Variants in ZNF41 observed in about 807,000 individuals in gnomAD.
The protein encoded by ZNF41 is zinc finger protein 41.
In ZNF41, 6 loss-of-function variants were observed where a neutral mutation model predicts 9.3. The observed-to-expected ratio is 0.65, with a 90% confidence interval of 0.35 to 1.28. ZNF41 has a LOEUF of 1.28. ZNF41 is among the 50% of genes most tolerant of loss of function. The probability of loss-of-function intolerance (pLI) is 0.03; values close to 1 mark genes in which losing one functional copy is unlikely to be tolerated. For missense variants in ZNF41, 523 were observed against 585.8 expected, an observed-to-expected ratio of 0.89 and a Z score of 1.11; for synonymous variants, 192 against 207.1, an observed-to-expected ratio of 0.93 and a Z score of 0.63.
At position 47,449,143 on chromosome X, in the gene ZNF41, A is replaced by G. The variant is rs147511357; in HGVS notation, c.627T>C (p.Ser209=). The change falls in exon 5 of 5, where the codon AGT becomes AGC. Residue 209 remains serine, a synonymous_variant. Transcript: ENST00000684689. ...AAATCTTGCCAAGGTTCTTTGTTGC[A>G]CTGTTTCTATTATGATTATGTGAGT... ...TLNSHNHNRN[S]ATKNLGKIFG... The G allele has an allele frequency of 2.1e-4, 252 of 1,209,676 alleles. No homozygotes were observed. Among genetic ancestry groups the G allele is most frequent in the Non-Finnish European group, 2.2e-4 (201 of 895,231 alleles).
chrX:47,447,363 G>A lies in ZNF41; in HGVS notation c.*67C>T, dbSNP rs2056148806. On this transcript the variant is annotated 3_prime_UTR_variant, in exon 5 of 5. Transcript: ENST00000684689. ...CCCTGTACAATGATTGCAGCAACAG[G>A]CCTTCCTCCTCCCTGCTATTAGATA... 2.5e-6 allele frequency: 3 copies of A among 1,180,081 alleles called. No homozygotes were observed. The East Asian group carries it at 8.9e-5, about 35-fold the overall frequency.
rs2057399270 is a variant in ZNF41, at chrX:47,478,676, T to C, written c.-280+4419A>G. Reference sequence around the variant, plus strand: ...AGAAAACAATCATGGCCGGACACAGTGGATCATGCCTGTAGTCCCAGTACT... The same window carrying C: ...AGAAAACAATCATGGCCGGACACAGCGGATCATGCCTGTAGTCCCAGTACT... On this transcript the variant is annotated intron_variant, in intron 1 of 4. Transcript: ENST00000684689. Among the ~76,000 whole-genome samples, 3 of 111,542 alleles carry C rather than the reference T, an allele frequency of 2.7e-5. No homozygotes were observed. In the South Asian group the frequency reaches 1.1e-3, roughly 41 times the overall value.
intron 1 of ZNF41, among the ~76,000 whole-genome samples, chrX:47,473,840 G>C (rs1407909815): frequency 4.5e-5 from 5 of 112,100 alleles, no homozygotes; most frequent in Middle Eastern, 9.3e-3. Context: ...AAGTGGTACA[G>C]CCACTCTGGA....
At chrX:47,459,712 C>A (rs2056706623) in intron 2 of ZNF41, among the ~76,000 whole-genome samples, 1 of 96,250 alleles carries the variant, frequency 1.0e-5, no homozygotes, top group Non-Finnish European at 2.0e-5. Context: ...CCACTGCACT[C>A]CAGCCTGGGT....
rs777307576 is a variant in ZNF41, at chrX:47,462,208, C to T, written c.72+5202G>A. Among the ~76,000 whole-genome samples the T allele has an allele frequency of 6.3e-5, 7 of 111,003 alleles. No individual in the cohort carries two copies. In the South Asian group the frequency reaches 2.8e-3, roughly 44 times the overall value. On this transcript the variant is annotated intron_variant, in intron 2 of 4. Transcript: ENST00000684689. ...AATTGTATTTTTACTTTTACTCCTC[C>T]CTGTCCATCTGAGTGTTTCCTGTTC... is the stretch of plus-strand genomic sequence containing the variant.
At chrX:47,452,162 A>T (rs2056393711) in intron 4 of ZNF41, among the ~76,000 whole-genome samples, 1 of 110,628 alleles carries the variant, frequency 9.0e-6, no homozygotes, top group South Asian at 3.9e-4. Flanking sequence ...CTTTGCCAAC[A>T]TCTGGCTCCT....
chrX:47,452,335 C>A (rs995716294), intron 4 of ZNF41, among the ~76,000 whole-genome samples: 26 of 109,463 alleles, frequency 2.4e-4, no homozygotes, highest in African/African-American at 8.6e-4. Flanking sequence ...TCAGCAGCAC[C>A]CAACACCCCC....
intron 2 of ZNF41, among the ~76,000 whole-genome samples, chrX:47,462,811 G>A (rs777298370): frequency 1.6e-4 from 17 of 108,946 alleles, no homozygotes; most frequent in African/African-American, 5.7e-4. Context: ...AGGCTGGAGT[G>A]CAGTGGCACA....
In ZNF41 at chrX:47,449,371, A is replaced by C. The variant is rs770145202; in HGVS notation, c.399T>G (p.Ile133Met). The C allele has an allele frequency of 8.3e-7, 1 of 1,211,590 alleles. No individual in the cohort carries two copies. Among genetic ancestry groups the C allele is most frequent in the Non-Finnish European group, 1.1e-6 (1 of 895,442 alleles). The change falls in exon 5 of 5, where the codon ATT (isoleucine) becomes ATG (methionine). Residue 133 changes from isoleucine to methionine, a missense_variant. By Grantham distance (10) the Ile-to-Met change is conservative (BLOSUM62 1). Coordinates refer to ENST00000684689, the MANE Select transcript of ZNF41 (RefSeq NM_001324144.2). ...QPIGEDSLCS[I>M]LEELWQDNDQ... The stretch of plus-strand genomic sequence containing the variant: ...CATTATCTTGCCACAGTTCTTCTAA[A>C]ATAGAACATAATGAATCTTCTCCTA...
At chrX:47,450,220 C>CT (rs1265551853) in intron 4 of ZNF41, among the ~76,000 whole-genome samples, 8 of 110,382 alleles carry the variant, frequency 7.2e-5, no homozygotes, top group East Asian at 2.8e-4. Flanking sequence ...TTCTTTCTTT[C>CT]TTTTTTTTGA....
At position 47,454,326 on chromosome X, in the gene ZNF41, C is replaced by G. The variant is rs1429751929; in HGVS notation, c.295+1595G>C. Among the ~76,000 whole-genome samples the G allele has an allele frequency of 5.4e-5, 6 of 110,252 alleles. No homozygotes were observed. In the East Asian group the frequency reaches 1.7e-3, roughly 31 times the overall value. ...ATGTCCAAATTAAAAATTAGATACCCTACTGTTGCATCACGAGGTTAAAAA... is the reference window on the plus strand; with the variant it reads ...ATGTCCAAATTAAAAATTAGATACCGTACTGTTGCATCACGAGGTTAAAAA... On this transcript the variant is annotated intron_variant, in intron 4 of 4. Transcript: ENST00000684689.
At chrX:47,462,723 A>G (rs1361025737) in intron 2 of ZNF41, among the ~76,000 whole-genome samples, 1 of 109,253 alleles carries the variant, frequency 9.2e-6, no homozygotes, top group Non-Finnish European at 1.9e-5. Context: ...TTCCTTGAGT[A>G]CATTTCTTTC....
intron 1 of ZNF41, among the ~76,000 whole-genome samples, chrX:47,469,242 C>T (rs1178126697): frequency 2.3e-5 from 2 of 86,637 alleles, no homozygotes. Flanking sequence ...ACCCGGGAGG[C>T]AGAGCTTGCA....
rs1439732287 is a variant in ZNF41, at chrX:47,471,247, G to A, written c.-279-3487C>T. Among the ~76,000 whole-genome samples, 6 of 110,592 alleles carry A rather than the reference G, an allele frequency of 5.4e-5. No homozygotes were observed. In the South Asian group the frequency reaches 2.3e-3, roughly 43 times the overall value. ...GTGGATCACCTGAGCTCAGGAGTTC[G>A]AGGTCAGCCTGGCTAATATGGTAAA... On this transcript the variant is annotated intron_variant, in intron 1 of 4. Coordinates refer to ENST00000684689, the MANE Select transcript of ZNF41 (RefSeq NM_001324144.2).
At chrX:47,464,127 G>C (rs2056908042) in intron 2 of ZNF41, among the ~76,000 whole-genome samples, 1 of 110,881 alleles carries the variant, frequency 9.0e-6, no homozygotes, top group Non-Finnish European at 1.9e-5. Context: ...TCTATTTCCT[G>C]ATACCTCCTC....
chrX:47,472,946 C>T (rs1329328670), intron 1 of ZNF41, among the ~76,000 whole-genome samples: 1 of 110,144 alleles, frequency 9.1e-6, no homozygotes, highest in East Asian at 2.8e-4. Context: ...TGGTCTCGAA[C>T]TCCTGACCTC....
chrX:47,449,668 GCA>G (rs1447311097), intron 4 of ZNF41, among the ~76,000 whole-genome samples, 194 bp from the exon 5 acceptor site: 1 of 112,190 alleles, frequency 8.9e-6, no homozygotes, highest in African/African-American at 3.2e-5. Flanking sequence ...CATTTATGAT[GCA>G]CAGAGACTGT....
rs1602813283 is a variant in ZNF41 at position 47,448,450 on chromosome X, T to C, written c.1320A>G (p.Val440=). 8.3e-7 allele frequency: 1 copy of C among 1,211,501 alleles called. No individual in the cohort carries two copies. Among genetic ancestry groups the C allele is most frequent in the Non-Finnish European group, 1.1e-6 (1 of 895,485 alleles). ...TGAAGGCCTTCCCACAGTCAGCGCATACATAAGGTTTCTCTCCCGTGTGGA... is the reference window on the plus strand; with the variant it reads ...TGAAGGCCTTCCCACAGTCAGCGCACACATAAGGTTTCTCTCCCGTGTGGA... ...QRIHTGEKPY[V]CADCGKAFIQ... The change falls in exon 5 of 5, where the codon GTA becomes GTG. Residue 440 remains valine (V), a synonymous_variant. Coordinates refer to ENST00000684689, the MANE Select transcript of ZNF41 (RefSeq NM_001324144.2).
At chrX:47,466,618 C>T (rs2056997261) in intron 2 of ZNF41, among the ~76,000 whole-genome samples, 1 of 111,021 alleles carries the variant, frequency 9.0e-6, no homozygotes, top group Non-Finnish European at 1.9e-5. Context: ...AGGTTCAAGC[C>T]ATTCTCCTCC....
Sources: gnomAD v4.1 joint callset for allele counts (sites outside exome capture counted in the v4.1 genomes callset) on GRCh38, gnomAD v4.1.1 for gene constraint, MANE v1.5 for transcripts, NCBI Gene and HGNC (gene_info 2026-07-23, HGNC 2026-07-21) for gene names.